Variants in MAST2 observed in about 807,000 individuals in gnomAD.
MAST2 encodes the protein microtubule-associated serine/threonine-protein kinase 2.
A neutral mutation model predicts 147.4 loss-of-function variants in MAST2; 70 were observed. The observed-to-expected ratio is 0.47, with a 90% CI of 0.39 to 0.58. MAST2 has a LOEUF of 0.58. MAST2 is among the 20% of genes least tolerant of loss of function. MAST2 has a pLI of 0.00. For synonymous variants in MAST2, 869 were observed against 896.8 expected (o/e 0.97, Z 0.55); for missense variants, 2,080 against 2,302.3 (o/e 0.90, Z 1.98).
intron 4 of MAST2, among the ~76,000 whole-genome samples, chr1:45,949,150 A>G (rs1658551818): frequency 6.6e-6 from 1 of 151,638 alleles, no homozygotes; most frequent in African/African-American, 2.4e-5. Context: ...AAGCAGTACC[A>G]TCCTGGACAC....
chr1:45,930,392 TTTTGTTTTG>T (rs1383152592), intron 4 of MAST2, among the ~76,000 whole-genome samples: 1 of 2,276 alleles, frequency 4.4e-4, no homozygotes, highest in African/African-American at 5.0e-4. Context: ...TTTTTGTTTT[TTTTGTTTTG>T]TTTTGTTTTG....
intron 4 of MAST2, among the ~76,000 whole-genome samples, chr1:45,937,386 T>A (rs1044675411): frequency 6.6e-6 from 1 of 151,998 alleles, no homozygotes; most frequent in Non-Finnish European, 1.5e-5. Context: ...CCACCTCAGC[T>A]TCCCAAGTAG....
intron 6 of MAST2, among the ~76,000 whole-genome samples, chr1:46,000,642 A>G (rs1645237475): frequency 6.6e-6 from 1 of 152,202 alleles, no homozygotes; most frequent in African/African-American, 2.4e-5. Flanking sequence ...CTCTTATACA[A>G]CATAGTAAGA....
At chr1:46,030,961 G>T in intron 22 of MAST2, 46 bp from the exon 23 acceptor site, 1 of 1,591,558 alleles carries the variant, frequency 6.3e-7, no homozygotes. Context: ...CTGGCAGGAG[G>T]AGGGGGACCA....
chr1:45,942,743 G>C (rs979070540), intron 4 of MAST2, among the ~76,000 whole-genome samples: 3 of 152,188 alleles, frequency 2.0e-5, no homozygotes, highest in Admixed American at 2.0e-4. Context: ...AGTCACTGCT[G>C]TCTCTAGTGA....
At chr1:45,914,327 G>A (rs1181571944) in intron 4 of MAST2, among the ~76,000 whole-genome samples, 1 of 152,140 alleles carries the variant, frequency 6.6e-6, no homozygotes, top group Non-Finnish European at 1.5e-5. Context: ...ATTCAAGCAT[G>A]GGTCCTTTAG....
chr1:45,964,789 T>C (rs916315548), intron 5 of MAST2, among the ~76,000 whole-genome samples: 1 of 152,210 alleles, frequency 6.6e-6, no homozygotes, highest in Non-Finnish European at 1.5e-5. Context: ...CTTGCTTTTC[T>C]AGTTCTTTTA....
intron 4 of MAST2, chr1:45,913,528 G>T: frequency 3.2e-6 from 3 of 943,378 alleles, no homozygotes; most frequent in Non-Finnish European, 3.8e-6. Flanking sequence ...GGTGCTTTCT[G>T]TAGCTCTGAT....
At chr1:46,013,664 A>G (rs1571208563) in intron 10 of MAST2, among the ~76,000 whole-genome samples, 2 of 150,322 alleles carry the variant, frequency 1.3e-5, no homozygotes, top group South Asian at 4.3e-4. Context: ...TGGGCAATAA[A>G]AGTGAAACTC....
chr1:46,019,591 T>C lies in MAST2; in HGVS notation c.1189-5T>C. The C allele has an allele frequency of 1.2e-6, 2 of 1,613,316 alleles. No individual in the cohort carries two copies. On this transcript the variant is annotated splice_region_variant and splice_polypyrimidine_tract_variant and intron_variant, in intron 10 of 28. Transcript: ENST00000361297. ...TAGATTAAGCAACGCTTCTTTTCTCTATAGGCTCATGAGCGCTCAGAGAGC... is the reference window on the plus strand; with the variant it reads ...TAGATTAAGCAACGCTTCTTTTCTCCATAGGCTCATGAGCGCTCAGAGAGC...
intron 4 of MAST2, among the ~76,000 whole-genome samples, chr1:45,949,172 G>A (rs1658556394): frequency 6.6e-6 from 1 of 152,090 alleles, no homozygotes; most frequent in Non-Finnish European, 1.5e-5. Flanking sequence ...GGAATGGGCA[G>A]ATTTCATGAC....
Position 46,035,390 on chromosome 1 carries a change from A to G in MAST2, c.4721A>G (p.Glu1574Gly), listed in dbSNP as rs202151517. The change falls in exon 29 of 29, where the codon GAA becomes GGA. Residue 1574 changes from glutamate to glycine, a missense_variant. Physicochemically the swap from Glu to Gly is moderately conservative, Grantham distance 98. This residue lies in a region of MAST2 where 1,278 missense variants were observed against 1,304.2 expected (regional missense o/e 0.98). Coordinates refer to ENST00000361297, the MANE Select transcript of MAST2 (RefSeq NM_015112.3). This position sits in a 1 kb window ranked among gnomAD's most constrained non-coding sequence, Gnocchi z 5.5. The part of the protein sequence containing the change: ...TGITLGPPRM[E>G]SPSGPHRRLG... Reference sequence around the variant, plus strand: ...ATCACACTGGGGCCTCCCAGAATGGAAAGTCCCAGTGGTCCCCACAGGAGG... The same window carrying G: ...ATCACACTGGGGCCTCCCAGAATGGGAAGTCCCAGTGGTCCCCACAGGAGG... 1.7e-5 allele frequency: 27 copies of G among 1,612,682 alleles called. No homozygotes were observed. The highest frequency in any genetic ancestry group is 1.2e-5 in the Non-Finnish European group (14 of 1,179,524).
chr1:45,932,027 A>G (rs1336422753), intron 4 of MAST2, among the ~76,000 whole-genome samples: 1 of 152,208 alleles, frequency 6.6e-6, no homozygotes, highest in Non-Finnish European at 1.5e-5. Context: ...GTTAGGTGAT[A>G]CAGGCTTTCG....
At chr1:46,017,476 A>G (rs1407686930) in intron 10 of MAST2, among the ~76,000 whole-genome samples, 10 of 152,320 alleles carry the variant, frequency 6.6e-5, no homozygotes, top group South Asian at 2.1e-4. Flanking sequence ...AATTTACAAG[A>G]AAAAAACAAC....
At chr1:45,993,761 C>T (rs930131627) in intron 5 of MAST2, among the ~76,000 whole-genome samples, 2 of 152,016 alleles carry the variant, frequency 1.3e-5, no homozygotes, top group African/African-American at 4.8e-5. Context: ...TACAAGGGCC[C>T]AGGCTGCTAC....
At chr1:45,807,359 T>G (rs1404666389) in intron 1 of MAST2, among the ~76,000 whole-genome samples, 1 of 152,140 alleles carries the variant, frequency 6.6e-6, no homozygotes, top group Non-Finnish European at 1.5e-5. Context: ...TCATTCTGTT[T>G]GTAGATGTTG....
intron 4 of MAST2, among the ~76,000 whole-genome samples, chr1:45,933,063 T>TAAAAAAAAAAAAAAAAAA (rs61544126): frequency 1.1e-5 from 1 of 88,256 alleles, no homozygotes; most frequent in Non-Finnish European, 2.0e-5. Flanking sequence ...CCCATTTCTT[T>TAAAAAAAAAAAAAAAAAA]AAAAAAAAAA....
intron 6 of MAST2, chr1:46,000,996 T>C: frequency 7.8e-7 from 1 of 1,289,270 alleles, no homozygotes; most frequent in Non-Finnish European, 1.0e-6. Flanking sequence ...GCGGGTATAA[T>C]GGGGAGAGGG....
At chr1:45,921,323 T>A (rs1653439988) in intron 4 of MAST2, among the ~76,000 whole-genome samples, 1 of 152,114 alleles carries the variant, frequency 6.6e-6, no homozygotes, top group Admixed American at 6.5e-5. Flanking sequence ...CCTCAGCTGT[T>A]GTTACGGGAT....
Sources: allele counts gnomAD v4.1 joint callset (sites outside exome capture counted in the v4.1 genomes callset), GRCh38; gene constraint gnomAD v4.1.1; regional missense constraint gnomAD v4.1.1; non-coding constraint Gnocchi (gnomAD v3.1); transcripts MANE v1.5; gene names NCBI Gene and HGNC (gene_info 2026-07-23, HGNC 2026-07-21).